The following CFAP74 variants were observed in gnomAD, a reference collection of about 807,000 sequenced individuals.
CFAP74 encodes cilia and flagella associated protein 74, also known as cilia- and flagella-associated protein 74.
CFAP74 carries 124 observed loss-of-function variants against 188.9 expected under a neutral mutation model. The observed-to-expected ratio is 0.66, with a 90% confidence interval of 0.57 to 0.76. The LOEUF (loss-of-function observed/expected upper bound fraction) is 0.76. CFAP74 is among the 30% of genes least tolerant of loss of function. CFAP74 has a pLI of 0.00. For synonymous variants in CFAP74, 956 were observed against 916.7 expected (o/e 1.04, Z -0.77); for missense variants, 2,198 against 2,165.2 (o/e 1.02, Z -0.30).
At chr1:1,949,898 C>T (rs557742180) in intron 18 of CFAP74, among the ~76,000 whole-genome samples, 27 of 152,322 alleles carry the variant, frequency 1.8e-4, no homozygotes, top group Admixed American at 2.6e-4. Flanking sequence ...AGGGACCCCA[C>T]GGTTTCTCTA....
rs958473913 is a variant in CFAP74, at chr1:1,923,099, C to T, written c.4569G>A (p.Arg1523=). Residue 1523 remains arginine (R), a synonymous_variant, in exon 37 of 39, where the codon AGG becomes AGA. Coordinates refer to ENST00000682832, the MANE Select transcript of CFAP74 (RefSeq NM_001304360.2). The surrounding 1 kb of genome is among the most constrained non-coding windows in gnomAD (Gnocchi z 6.3). ...GPLSPEAEEL[R]PILVTLDYIQ... ...TGTAGTCCAGGGTCACCAGGATGGG[C>T]CTCAGCTCCTCAGCTTCTGGAGAGA... 2 of 1,608,448 alleles carry T rather than the reference C, an allele frequency of 1.2e-6. No individual in the cohort carries two copies. Among genetic ancestry groups the T allele is most frequent in the African/African-American group, 2.7e-5 (2 of 74,532 alleles).
At position 1,979,109 on chromosome 1, in the gene CFAP74, A is replaced by G. The variant is rs78883413; in HGVS notation, c.501-4911T>C. On this transcript the variant is annotated intron_variant, in intron 6 of 38. Transcript: ENST00000682832. ...TGGGCGTGGGAAGGTGTCACGTGAC[A>G]AGGCTGCACAGAACATGTGTGTGGT... Among the ~76,000 whole-genome samples the G allele has an allele frequency of 8.3e-4, 47 of 56,636 alleles. 1 individual carries two copies. The highest frequency in any genetic ancestry group is 2.5e-3 in the East Asian group (4 of 1,576). 37.2% of individuals were successfully genotyped at this position (56,636 alleles called of 152,430 possible).
rs747789620 is a variant in CFAP74, at chr1:1,923,335, C to T, written c.4522+32G>A. On this transcript the variant is annotated intron_variant, in intron 36 of 38. Transcript: ENST00000682832. The surrounding 1 kb of genome is among the most constrained non-coding windows in gnomAD (Gnocchi z 6.3). ...ACGGGACAGGGGCACCGGGAGGCCC[C>T]GTGTCTGTTCCCTCCCTGGGGAGGG... 5.2e-6 allele frequency: 8 copies of T among 1,540,360 alleles called. No individual in the cohort carries two copies. In the South Asian group the frequency reaches 5.9e-5, roughly 11 times the overall value.
At chr1:1,946,530 T>C (rs1653788892) in intron 19 of CFAP74, 91 bp from the exon 20 acceptor site, 2 of 1,431,506 alleles carry the variant, frequency 1.4e-6, no homozygotes, top group Non-Finnish European at 1.8e-6. Flanking sequence ...GCTGCAAGGA[T>C]GGAAGGTGGC....
At chr1:1,982,854 T>G (rs955575985) in intron 6 of CFAP74, among the ~76,000 whole-genome samples, 9 of 152,330 alleles carry the variant, frequency 5.9e-5, no homozygotes, top group Admixed American at 2.6e-4. Context: ...GAATTACAGA[T>G]GTGAACGGGT....
chr1:1,951,113 C>T (rs1280362769), intron 18 of CFAP74, among the ~76,000 whole-genome samples: 1 of 152,130 alleles, frequency 6.6e-6, no homozygotes, highest in African/African-American at 2.4e-5. Context: ...ACAGTTCCAC[C>T]TGGCTGACAA....
intron 2 of CFAP74, among the ~76,000 whole-genome samples, chr1:1,990,406 A>G (rs1042399379): frequency 6.5e-5 from 9 of 137,490 alleles, no homozygotes; most frequent in African/African-American, 2.2e-4. Flanking sequence ...AGGGGGGAGA[A>G]GGCCACACAG....
At chr1:1,928,023 T>C in intron 27 of CFAP74, 2 of 481,284 alleles carry the variant, frequency 4.2e-6, no homozygotes, top group Non-Finnish European at 3.8e-6. Context: ...GTCCCCACCC[T>C]GGTGCCTTCC....
At chr1:1,933,322 G>C (rs1436642355) in intron 25 of CFAP74, among the ~76,000 whole-genome samples, 4 of 151,724 alleles carry the variant, frequency 2.6e-5, no homozygotes, top group Non-Finnish European at 4.4e-5. Flanking sequence ...TGGGATTACA[G>C]GTGTGCAGCA....
At chr1:1,931,766 A>T (rs868673729) in intron 25 of CFAP74, among the ~76,000 whole-genome samples, 2 of 129,400 alleles carry the variant, frequency 1.5e-5, no homozygotes, top group South Asian at 2.4e-4. Context: ...AAAAAAAAAA[A>T]TTCTTAAAAA....
intron 18 of CFAP74, 136 bp from the exon 19 acceptor site, chr1:1,947,190 G>A (rs1336798694): frequency 5.4e-5 from 37 of 687,980 alleles, no homozygotes; most frequent in Non-Finnish European, 1.5e-5. Context: ...GGAGCCATCC[G>A]TGTGGCCCCT....
intron 18 of CFAP74, among the ~76,000 whole-genome samples, chr1:1,947,563 G>A (rs540795749): frequency 3.3e-5 from 5 of 152,338 alleles, no homozygotes; most frequent in East Asian, 1.9e-4. Context: ...GCAAGGCCCC[G>A]GGTAGCAGAG....
chr1:1,959,030 C>T (rs1401065965), intron 16 of CFAP74, 90 bp downstream of exon 16: 3 of 888,668 alleles, frequency 3.4e-6, no homozygotes, highest in Admixed American at 2.0e-5. Context: ...CCCCGCCAAC[C>T]TGCACCCCCT....
At chr1:1,947,723 G>A (rs1231074757) in intron 18 of CFAP74, among the ~76,000 whole-genome samples, 2 of 152,254 alleles carry the variant, frequency 1.3e-5, no homozygotes, top group Non-Finnish European at 2.9e-5. Context: ...AGCCAGGCCA[G>A]GTCACTGTGG....
chr1:1,976,820 G>A (rs562709560), intron 6 of CFAP74, among the ~76,000 whole-genome samples: 1 of 151,876 alleles, frequency 6.6e-6, no homozygotes, highest in Non-Finnish European at 1.5e-5. Context: ...TGGGATTACA[G>A]GTGTGAGTCA....
intron 12 of CFAP74, among the ~76,000 whole-genome samples, chr1:1,966,097 C>T (rs978131889): frequency 3.3e-5 from 5 of 152,252 alleles, no homozygotes; most frequent in African/African-American, 9.6e-5. Flanking sequence ...CGTCCCTCCC[C>T]GTTACACCAT....
intron 14 of CFAP74, among the ~76,000 whole-genome samples, chr1:1,962,407 C>G (rs1361471109): frequency 3.4e-5 from 5 of 145,904 alleles, no homozygotes; most frequent in African/African-American, 1.0e-4. Flanking sequence ...ACCCAGGAGG[C>G]AGAGGTTGCA....
chr1:1,939,211 C>CGT (rs780074608), intron 24 of CFAP74, among the ~76,000 whole-genome samples: 13 of 152,258 alleles, frequency 8.5e-5, no homozygotes, highest in Admixed American at 2.6e-4. Context: ...TGTGTGCACG[C>CGT]ATATGTGTGT....
Position 1,922,341 on chromosome 1 carries a change from A to AT in CFAP74, c.4865dup (p.Asp1622GlufsTer87). The stretch of plus-strand genomic sequence containing the variant: ...AGATGACCTTGTAGGTCTCCTTCAC[A>AT]TCCCCCCTTAGCTGCAGCAGGGCCG... On this transcript the variant is annotated frameshift_variant, in exon 39 of 39. Coordinates refer to ENST00000682832, the MANE Select transcript of CFAP74 (RefSeq NM_001304360.2). LOFTEE classifies it high-confidence loss of function. The AT allele has an allele frequency of 6.2e-7, 1 of 1,605,002 alleles. No homozygotes were observed. Among genetic ancestry groups the AT allele is most frequent in the Non-Finnish European group, 8.5e-7 (1 of 1,177,530 alleles).
Sources: gnomAD v4.1 joint callset for allele counts (sites outside exome capture counted in the v4.1 genomes callset) on GRCh38, gnomAD v4.1.1 for gene constraint, Gnocchi (gnomAD v3.1) non-coding constraint, MANE v1.5 for transcripts, NCBI Gene and HGNC (gene_info 2026-07-23, HGNC 2026-07-21) for gene names.